Variants in SAMD5 observed in about 807,000 individuals in gnomAD.
SAMD5 encodes the protein sterile alpha motif domain-containing protein 5.
SAMD5 carries 13 observed loss-of-function variants against 11.3 expected under a neutral mutation model. The observed-to-expected ratio is 1.15, with a 90% confidence interval of 0.75 to 1.83. The LOEUF (loss-of-function observed/expected upper bound fraction) is 1.83. Among genes scored for constraint, SAMD5 ranks in the 40% most tolerant of loss-of-function variants. The pLI is 0.00. For missense variants in SAMD5, 255 were observed against 239.1 expected, an observed-to-expected ratio of 1.07 and a Z score of -0.44; for synonymous variants, 129 against 111.3, an observed-to-expected ratio of 1.16 and a Z score of -1.00.
intron 1 of SAMD5, among the ~76,000 whole-genome samples, chr6:147,561,122 G>A (rs907797572): frequency 2.0e-5 from 3 of 152,202 alleles, no homozygotes; most frequent in African/African-American, 7.2e-5. Flanking sequence ...AATGCAAAAT[G>A]TTAGGGGTGT....
the SAMD5 span, among the ~76,000 whole-genome samples, chr6:147,882,810 C>A: frequency 1.3e-5 from 2 of 152,132 alleles, no homozygotes; most frequent in African/African-American, 2.4e-5. Context: ...ATATGTTTTG[C>A]CCTGTTATTA....
Position 147,569,780 on chromosome 6 carries a change from A to T in SAMD5, c.*5324A>T, listed in dbSNP as rs1449900628. On this transcript the variant is annotated 3_prime_UTR_variant, in exon 2 of 2. Coordinates refer to ENST00000367474, the MANE Select transcript of SAMD5 (RefSeq NM_001030060.3). ...TGGGCCTTGGAAAATCTACATGTGT[A>T]TATCTGAGTAGCGAAGCACAGATTC... 3 of 985,446 alleles carry T rather than the reference A, an allele frequency of 3.0e-6. No individual in the cohort carries two copies. Among genetic ancestry groups the T allele is most frequent in the Non-Finnish European group, 3.6e-6 (3 of 829,922 alleles). 61.0% of individuals were successfully genotyped at this position (985,446 alleles called of 1,614,324 possible).
the SAMD5 span, among the ~76,000 whole-genome samples, chr6:147,910,377 A>AG: frequency 6.6e-6 from 1 of 152,094 alleles, no homozygotes; most frequent in Admixed American, 6.6e-5. Flanking sequence ...GTGAGAAGGG[A>AG]GGGAATGAGC....
intron 1 of SAMD5, among the ~76,000 whole-genome samples, chr6:147,604,650 A>G (rs1369144631): frequency 2.0e-5 from 3 of 152,182 alleles, no homozygotes; most frequent in African/African-American, 2.4e-5. Flanking sequence ...GCTTGGTTGG[A>G]AGAATTCTTT....
At chr6:147,786,914 T>C in the SAMD5 span, among the ~76,000 whole-genome samples, 12 of 152,196 alleles carry the variant, frequency 7.9e-5, no homozygotes, top group Non-Finnish European at 4.4e-5. Context: ...CATTGACTTC[T>C]TAGAATTTTG....
At chr6:147,729,469 G>A (rs1199369534) in intron 1 of SAMD5, among the ~76,000 whole-genome samples, 1 of 152,188 alleles carries the variant, frequency 6.6e-6, no homozygotes, top group Non-Finnish European at 1.5e-5. Context: ...AATTGTTACA[G>A]GTGCTGGAGA....
chr6:147,907,615 C>T, the SAMD5 span, among the ~76,000 whole-genome samples: 1 of 152,188 alleles, frequency 6.6e-6, no homozygotes, highest in African/African-American at 2.4e-5. Context: ...CAGCAGGTGA[C>T]CACTGGTCTG....
At chr6:147,557,183 CTAAA>C (rs1336724383) in intron 1 of SAMD5, among the ~76,000 whole-genome samples, 14 of 152,026 alleles carry the variant, frequency 9.2e-5, no homozygotes, top group African/African-American at 3.1e-4. Context: ...TTAAATATAA[CTAAA>C]TAAGCATCAT....
intron 1 of SAMD5, among the ~76,000 whole-genome samples, chr6:147,716,684 GC>G (rs1160722212): frequency 2.0e-5 from 3 of 152,242 alleles, no homozygotes; most frequent in Non-Finnish European, 2.9e-5. Flanking sequence ...AGTGCAGCCA[GC>G]ATCATGGCAG....
At chr6:147,646,932 G>A (rs529883894) in intron 1 of SAMD5, among the ~76,000 whole-genome samples, 15 of 150,846 alleles carry the variant, frequency 9.9e-5, no homozygotes, top group African/African-American at 3.4e-4. Context: ...GAGGTCAGGA[G>A]TTCAAGACCA....
chr6:147,839,372 TG>T, the SAMD5 span, among the ~76,000 whole-genome samples: 1 of 152,238 alleles, frequency 6.6e-6, no homozygotes, highest in African/African-American at 2.4e-5. Context: ...TCTAATATAA[TG>T]TTTTTTTAAA....
chr6:147,876,213 C>G, the SAMD5 span, among the ~76,000 whole-genome samples: 1 of 152,182 alleles, frequency 6.6e-6, no homozygotes, highest in Non-Finnish European at 1.5e-5. Flanking sequence ...TGTGCTGAGC[C>G]TCACCTTCTT....
chr6:147,855,326 G>T, the SAMD5 span, among the ~76,000 whole-genome samples: 1 of 152,082 alleles, frequency 6.6e-6, no homozygotes, highest in African/African-American at 2.4e-5. Context: ...GGAATATTTT[G>T]CTTACAGAAG....
chr6:147,511,134 T>G (rs1277434617), intron 1 of SAMD5, among the ~76,000 whole-genome samples: 1 of 152,204 alleles, frequency 6.6e-6, no homozygotes, highest in Non-Finnish European at 1.5e-5. Context: ...CACTAGAGCT[T>G]ACTTATTCTT....
intron 1 of SAMD5, among the ~76,000 whole-genome samples, chr6:147,673,183 C>T (rs1017617280): frequency 2.0e-4 from 31 of 151,942 alleles, no homozygotes; most frequent in Admixed American, 5.2e-4. Flanking sequence ...AATGTCTCAG[C>T]TCAGATAAAT....
At chr6:147,951,229 T>C in the SAMD5 span, among the ~76,000 whole-genome samples, 1 of 151,538 alleles carries the variant, frequency 6.6e-6, no homozygotes, top group African/African-American at 2.4e-5. Context: ...GTCGCCAGGC[T>C]GGAGTGCAGT....
chr6:147,708,873 A>G (rs1276159493), intron 1 of SAMD5, among the ~76,000 whole-genome samples: 1 of 152,202 alleles, frequency 6.6e-6, no homozygotes, highest in East Asian at 1.9e-4. Flanking sequence ...AAAATATGTA[A>G]GCAGTGGTGT....
chr6:147,904,338 A>G, the SAMD5 span, among the ~76,000 whole-genome samples: 4 of 152,148 alleles, frequency 2.6e-5, no homozygotes, highest in African/African-American at 9.7e-5. Flanking sequence ...TCCTCTTCCC[A>G]TGGACTCTAG....
chr6:147,616,642 A>G (rs1046869971), intron 1 of SAMD5, among the ~76,000 whole-genome samples: 5 of 152,210 alleles, frequency 3.3e-5, no homozygotes, highest in Admixed American at 2.6e-4. Flanking sequence ...GTCTGTTTTC[A>G]TACTCCAATA....
Sources: gnomAD v4.1 joint callset for allele counts (sites outside exome capture counted in the v4.1 genomes callset) on GRCh38, gnomAD v4.1.1 for gene constraint, MANE v1.5 for transcripts, NCBI Gene and HGNC (gene_info 2026-07-23, HGNC 2026-07-21) for gene names.